Variants in DACH1 observed in about 807,000 individuals in gnomAD.
DACH1 encodes the protein dachshund homolog 1.
DACH1 carries 12 observed loss-of-function variants against 54.2 expected under a neutral mutation model. That is an observed-to-expected ratio of 0.22 (90% CI 0.14 to 0.36). DACH1 has a LOEUF of 0.36. DACH1 is among the 10% of genes least tolerant of loss of function. The pLI is 1.00. For missense variants in DACH1, 805 were observed against 929.8 expected, an observed-to-expected ratio of 0.87 and a Z score of 1.75; for synonymous variants, 386 against 366.2, an observed-to-expected ratio of 1.05 and a Z score of -0.62.
rs74711766 is a variant in DACH1 at position 71,853,560 on chromosome 13, C to T, written c.848+12362G>A. Among the ~76,000 whole-genome samples, 100 of 152,192 alleles carry T rather than the reference C, an allele frequency of 6.6e-4. 3 individuals carry two copies. In the East Asian group the frequency reaches 0.019, roughly 29 times the overall value. On this transcript the variant is annotated intron_variant, in intron 1 of 10. Transcript: ENST00000613252. ...TATTAAAAAATTAGATAAACCAAGTCCTCTTAAAATGTACCATTTTCATAA... is the reference window on the plus strand; with the variant it reads ...TATTAAAAAATTAGATAAACCAAGTTCTCTTAAAATGTACCATTTTCATAA...
chr13:71,820,202 C>G (rs994347018), intron 1 of DACH1, among the ~76,000 whole-genome samples: 2 of 150,064 alleles, frequency 1.3e-5, no homozygotes, highest in East Asian at 3.9e-4. Context: ...AAATACCAGA[C>G]AGTCCAGTGC....
intron 10 of DACH1, among the ~76,000 whole-genome samples, chr13:71,472,441 G>C (rs1054615891): frequency 6.6e-6 from 1 of 152,170 alleles, no homozygotes; most frequent in African/African-American, 2.4e-5. Context: ...CAAGCAGTAA[G>C]TATTTAAGTG....
intron 1 of DACH1, among the ~76,000 whole-genome samples, chr13:71,733,812 G>T (rs1883862931): frequency 6.6e-6 from 1 of 151,840 alleles, no homozygotes; most frequent in Non-Finnish European, 1.5e-5. Context: ...ATGTAATTTT[G>T]GTTCATAAAA....
intron 1 of DACH1, among the ~76,000 whole-genome samples, chr13:71,716,883 G>A (rs1405673999): frequency 6.6e-6 from 1 of 152,018 alleles, no homozygotes; most frequent in Non-Finnish European, 1.5e-5. Flanking sequence ...TTGTTACATA[G>A]GTATACATGT....
intron 10 of DACH1, among the ~76,000 whole-genome samples, chr13:71,458,517 A>G (rs1875787238): frequency 6.6e-6 from 1 of 151,864 alleles, no homozygotes. Flanking sequence ...GGGAAAAAAT[A>G]TCAAAATTTC....
chr13:71,793,444 A>C (rs1181653264), intron 1 of DACH1, among the ~76,000 whole-genome samples: 2 of 152,188 alleles, frequency 1.3e-5, no homozygotes, highest in Non-Finnish European at 2.9e-5. Flanking sequence ...AAGTCTCCAG[A>C]TTCCTTGCTA....
chr13:71,501,113 C>G (rs1334645247), intron 6 of DACH1, among the ~76,000 whole-genome samples: 1 of 152,174 alleles, frequency 6.6e-6, no homozygotes, highest in Non-Finnish European at 1.5e-5. Flanking sequence ...ATGTATATCT[C>G]TCATGTATTG....
chr13:71,667,844 T>G (rs2138669068), intron 2 of DACH1, among the ~76,000 whole-genome samples: 1 of 152,150 alleles, frequency 6.6e-6, no homozygotes, highest in East Asian at 1.9e-4. Flanking sequence ...ACTAAGGGAT[T>G]AATTTTCTTG....
At chr13:71,856,256 G>A (rs2138277578) in intron 1 of DACH1, among the ~76,000 whole-genome samples, 1 of 152,010 alleles carries the variant, frequency 6.6e-6, no homozygotes, top group Middle Eastern at 3.4e-3. Flanking sequence ...TTTCATAAAA[G>A]CAGGTCAAGT....
intron 1 of DACH1, among the ~76,000 whole-genome samples, chr13:71,749,493 G>A (rs1050395548): frequency 6.6e-5 from 10 of 152,112 alleles, no homozygotes; most frequent in African/African-American, 2.4e-4. Context: ...CCAAATGAAT[G>A]ATGGATAATG....
chr13:71,778,823 C>G (rs1886185460), intron 1 of DACH1, among the ~76,000 whole-genome samples: 1 of 151,634 alleles, frequency 6.6e-6, no homozygotes, highest in Non-Finnish European at 1.5e-5. Context: ...GAATTGTTAC[C>G]CTAGGAGAAA....
chr13:71,813,960 G>T (rs974111581), intron 1 of DACH1, among the ~76,000 whole-genome samples: 2 of 152,162 alleles, frequency 1.3e-5, no homozygotes, highest in Non-Finnish European at 2.9e-5. Context: ...TCAAGCCAAG[G>T]AGTGTCTCCA....
At chr13:71,509,940 CTTT>C (rs954426593) in intron 6 of DACH1, among the ~76,000 whole-genome samples, 1 of 152,058 alleles carries the variant, frequency 6.6e-6, no homozygotes, top group Non-Finnish European at 1.5e-5. Context: ...TTCTAGTCAA[CTTT>C]TTATTCCCAG....
intron 1 of DACH1, among the ~76,000 whole-genome samples, chr13:71,785,700 T>C (rs995309463): frequency 6.6e-6 from 1 of 152,200 alleles, no homozygotes; most frequent in Non-Finnish European, 1.5e-5. Context: ...TGGGAGCATA[T>C]GGTCAGAGCT....
At chr13:71,529,183 G>GTTTTTTTTTTTTTTTTTTTTTTTTTTTTT (rs10707603) in intron 6 of DACH1, among the ~76,000 whole-genome samples, 6 of 80,982 alleles carry the variant, frequency 7.4e-5, no homozygotes, top group African/African-American at 2.6e-4. Context: ...TGTGATTTGG[G>GTTTTTTTTTTTTTTTTTTTTTTTTTTTTT]TTTTTTTTTT....
intron 2 of DACH1, among the ~76,000 whole-genome samples, chr13:71,639,246 T>C (rs1426935115): frequency 6.6e-6 from 1 of 152,160 alleles, no homozygotes; most frequent in East Asian, 1.9e-4. Flanking sequence ...AACATGCATG[T>C]CTTCACTCTT....
chr13:71,705,293 T>A (rs1406048543), intron 1 of DACH1, among the ~76,000 whole-genome samples: 1 of 152,158 alleles, frequency 6.6e-6, no homozygotes, highest in East Asian at 1.9e-4. Flanking sequence ...TGACTCTGGG[T>A]TGGGAAAAAG....
At chr13:71,865,392 G>C (rs1380155076) in intron 1 of DACH1, among the ~76,000 whole-genome samples, 1 of 152,046 alleles carries the variant, frequency 6.6e-6, no homozygotes, top group Non-Finnish European at 1.5e-5. Context: ...GCCCTCACCC[G>C]GAGCGCGTCT....
At chr13:71,475,079 C>G in intron 10 of DACH1, 62 bp downstream of exon 10, 1 of 1,482,912 alleles carries the variant, frequency 6.7e-7, no homozygotes, top group Non-Finnish European at 9.4e-7. Context: ...GAATAGCAGG[C>G]TAAAGCTGAG....
Sources: gnomAD v4.1 joint callset for allele counts (sites outside exome capture counted in the v4.1 genomes callset) on GRCh38, gnomAD v4.1.1 for gene constraint, MANE v1.5 for transcripts, NCBI Gene and HGNC (gene_info 2026-07-23, HGNC 2026-07-21) for gene names.